Variants in CHCHD6 observed in about 807,000 individuals in gnomAD.
CHCHD6 encodes MICOS complex subunit MIC25.
A neutral mutation model predicts 32.3 loss-of-function variants in CHCHD6; 28 were observed. The observed-to-expected ratio is 0.87, with a 90% CI of 0.64 to 1.19. CHCHD6 has a LOEUF of 1.19. Among genes scored for constraint, CHCHD6 ranks in the 50% most tolerant of loss-of-function variants. The probability of loss-of-function intolerance (pLI) is 0.00; values close to 1 mark genes in which losing one functional copy is unlikely to be tolerated. For synonymous variants in CHCHD6, 122 were observed against 117.5 expected (o/e 1.04, Z -0.25); for missense variants, 333 against 307.0 (o/e 1.08, Z -0.63).
chr3:126,847,589 G>A (rs2107549835), intron 4 of CHCHD6, among the ~76,000 whole-genome samples: 1 of 152,308 alleles, frequency 6.6e-6, no homozygotes, highest in South Asian at 2.1e-4. Context: ...CTACACTCAA[G>A]AGGAGATCCC....
intron 4 of CHCHD6, among the ~76,000 whole-genome samples, chr3:126,844,494 ATTC>A (rs1477958694): frequency 6.6e-6 from 1 of 152,088 alleles, no homozygotes; most frequent in Non-Finnish European, 1.5e-5. Context: ...TTTGCCTTGA[ATTC>A]TTCTTTAACT....
chr3:126,859,621 AC>A (rs986005649), intron 5 of CHCHD6, among the ~76,000 whole-genome samples: 2 of 152,314 alleles, frequency 1.3e-5, no homozygotes, highest in African/African-American at 4.8e-5. Context: ...CCTTGCAGCA[AC>A]CCTGTAAGGT....
At chr3:126,803,161 G>A (rs1050147289) in intron 4 of CHCHD6, among the ~76,000 whole-genome samples, 55 of 151,582 alleles carry the variant, frequency 3.6e-4, no homozygotes, top group African/African-American at 1.3e-3. Flanking sequence ...ATCAACTAAC[G>A]AGCAAAATAA....
At chr3:126,816,951 G>C (rs897030913) in intron 4 of CHCHD6, among the ~76,000 whole-genome samples, 2 of 152,058 alleles carry the variant, frequency 1.3e-5, no homozygotes, top group African/African-American at 4.8e-5. Context: ...CTATGAGTGA[G>C]AGCATGCAGT....
chr3:126,929,013 A>G (rs1479931017), intron 6 of CHCHD6, among the ~76,000 whole-genome samples: 1 of 152,234 alleles, frequency 6.6e-6, no homozygotes, highest in East Asian at 1.9e-4. Flanking sequence ...CTCTGATGGA[A>G]ACAGCTCAGG....
At chr3:126,856,222 G>T (rs769072928) in intron 5 of CHCHD6, among the ~76,000 whole-genome samples, 2 of 152,230 alleles carry the variant, frequency 1.3e-5, no homozygotes, top group Non-Finnish European at 2.9e-5. Context: ...TTCCTGGGCT[G>T]CATGCAGCCC....
intron 4 of CHCHD6, among the ~76,000 whole-genome samples, chr3:126,850,098 C>T (rs753924321): frequency 6.6e-6 from 1 of 152,216 alleles, no homozygotes; most frequent in Non-Finnish European, 1.5e-5. Flanking sequence ...CGTGTCACCT[C>T]CTGTCCATTG....
chr3:126,875,179 A>G (rs1384590715), intron 5 of CHCHD6, among the ~76,000 whole-genome samples: 1 of 152,242 alleles, frequency 6.6e-6, no homozygotes, highest in Non-Finnish European at 1.5e-5. Flanking sequence ...CTGCAGGCTA[A>G]GGGTGATTCT....
intron 6 of CHCHD6, among the ~76,000 whole-genome samples, chr3:126,933,421 G>C (rs2078434007): frequency 6.6e-6 from 1 of 152,156 alleles, no homozygotes; most frequent in African/African-American, 2.4e-5. Context: ...ACTTGAGGCT[G>C]GGTAATTTAT....
chr3:126,895,754 C>T (rs1035238689), intron 5 of CHCHD6, among the ~76,000 whole-genome samples: 1 of 152,232 alleles, frequency 6.6e-6, no homozygotes. Context: ...CCCCATCCCC[C>T]ACCCCTTCCA....
intron 1 of CHCHD6, among the ~76,000 whole-genome samples, chr3:126,717,213 G>C (rs1294149470): frequency 6.6e-6 from 1 of 152,130 alleles, no homozygotes; most frequent in Non-Finnish European, 1.5e-5. Context: ...TTAGTGAGGT[G>C]GTCTGTGCAC....
intron 4 of CHCHD6, among the ~76,000 whole-genome samples, chr3:126,782,471 C>T (rs563222449): frequency 7.2e-5 from 11 of 152,340 alleles, no homozygotes; most frequent in African/African-American, 2.4e-4. Context: ...GATTCCAATC[C>T]GATGCTGCCT....
chr3:126,865,512 A>G (rs1436898509), intron 5 of CHCHD6: 22 of 956,710 alleles, frequency 2.3e-5, no homozygotes, highest in Non-Finnish European at 2.7e-5. Context: ...CACCACCACC[A>G]TCTCCACCAT....
intron 6 of CHCHD6, among the ~76,000 whole-genome samples, chr3:126,922,021 C>T (rs1473353655): frequency 2.0e-5 from 3 of 152,170 alleles, no homozygotes; most frequent in Non-Finnish European, 2.9e-5. Context: ...GGTAGATAAC[C>T]TTTGATGACC....
At chr3:126,854,252 G>A (rs993529557) in intron 5 of CHCHD6, among the ~76,000 whole-genome samples, 9 of 152,096 alleles carry the variant, frequency 5.9e-5, no homozygotes, top group Admixed American at 3.3e-4. Flanking sequence ...TTTAAAAATC[G>A]AGGTTTCCTA....
At chr3:126,864,983 C>T (rs1353142542) in intron 5 of CHCHD6, among the ~76,000 whole-genome samples, 1 of 148,182 alleles carries the variant, frequency 6.7e-6, no homozygotes, top group East Asian at 2.0e-4. Context: ...ATCATCACCA[C>T]TACCACCATC....
chr3:126,735,722 G>T (rs1402177888), intron 4 of CHCHD6, among the ~76,000 whole-genome samples: 4 of 152,176 alleles, frequency 2.6e-5, no homozygotes, highest in African/African-American at 9.7e-5. Context: ...ATGCTATGAG[G>T]TTATATCTTT....
At chr3:126,930,401 C>T (rs2078387277) in intron 6 of CHCHD6, among the ~76,000 whole-genome samples, 1 of 152,206 alleles carries the variant, frequency 6.6e-6, no homozygotes, top group African/African-American at 2.4e-5. Context: ...GGTGGTCCAG[C>T]CATAGTTCTC....
At chr3:126,706,503 A>G (rs1934495830) in intron 1 of CHCHD6, among the ~76,000 whole-genome samples, 2 of 152,168 alleles carry the variant, frequency 1.3e-5, no homozygotes, top group African/African-American at 2.4e-5. Context: ...GACAGGGATG[A>G]TAGTGCCCCA....
Sources: gnomAD v4.1 joint callset for allele counts (sites outside exome capture counted in the v4.1 genomes callset) on GRCh38, gnomAD v4.1.1 for gene constraint, MANE v1.5 for transcripts, NCBI Gene and HGNC (gene_info 2026-07-23, HGNC 2026-07-21) for gene names.